Variants in TMEM129 observed in about 807,000 individuals in gnomAD.
TMEM129 encodes transmembrane protein 129, E3 ubiquitin ligase, also known as E3 ubiquitin-protein ligase TM129.
A neutral mutation model predicts 34.1 loss-of-function variants in TMEM129; 35 were observed. That is an observed-to-expected ratio of 1.03 (90% confidence interval 0.78 to 1.36). The LOEUF (loss-of-function observed/expected upper bound fraction) is 1.36, where lower values mean the gene tolerates loss of function less well. TMEM129 is among the 40% of genes most tolerant of loss of function. The probability of loss-of-function intolerance (pLI) is 0.00; values close to 1 mark genes in which losing one functional copy is unlikely to be tolerated. For synonymous variants in TMEM129, 239 were observed against 217.3 expected, an observed-to-expected ratio of 1.10 and a Z score of -0.88; for missense variants, 504 against 512.6, an observed-to-expected ratio of 0.98 and a Z score of 0.16.
intron 1 of TMEM129, among the ~76,000 whole-genome samples, chr4:1,719,758 G>A (rs1717183307): frequency 2.0e-5 from 3 of 152,104 alleles, no homozygotes; most frequent in South Asian, 4.1e-4. Flanking sequence ...CAGGGCCCCA[G>A]CCCCACTCAG....
rs114397142 is a variant in TMEM129 at position 1,720,760 on chromosome 4, G to A, written c.78C>T (p.Phe26=). 151 of 1,588,498 alleles carry A rather than the reference G, an allele frequency of 9.5e-5. No homozygotes were observed. In the African/African-American group the frequency reaches 1.7e-3, roughly 18 times the overall value. The change falls in exon 1 of 4, where the codon TTC becomes TTT. Residue 26 remains phenylalanine, a synonymous_variant. Coordinates refer to ENST00000382936, the MANE Select transcript of TMEM129 (RefSeq NM_001127266.2). This position sits in a 1 kb window ranked among gnomAD's most constrained non-coding sequence, Gnocchi z 4.4. ...AVCFVFTPNE[F]HAAGLTVQNL... is the part of the protein sequence containing the mutation. Reference sequence around the variant, plus strand: ...TCTGCACCGTGAGCCCCGCCGCGTGGAACTCGTTGGGCGTGAACACGAAGC... The same window carrying A: ...TCTGCACCGTGAGCCCCGCCGCGTGAAACTCGTTGGGCGTGAACACGAAGC...
In TMEM129 at chr4:1,718,577, G is replaced by A; in HGVS notation, c.255C>T (p.Ala85=). The A allele has an allele frequency of 6.8e-7, 1 of 1,467,144 alleles. No homozygotes were observed. The highest frequency in any genetic ancestry group is 2.5e-5 in the East Asian group (1 of 40,228). 90.9% of individuals were successfully genotyped at this position (1,467,144 alleles called of 1,614,324 possible). A position where few individuals can be genotyped will look rare whatever the true frequency, so the allele number is the denominator to read the frequency against. ...GCCAGGCCTCAGGGGCCTGGCTGAG[G>A]GCGTGGAGCCGCTTTTCTGAAGCCG... ...CLAASEKRLH[A]LSQAPEAWRL... Residue 85 remains alanine, a synonymous_variant, in exon 2 of 4, where the codon GCC becomes GCT. Transcript: ENST00000382936.
rs747203646 is a variant in TMEM129 at position 1,717,190 on chromosome 4, G to C, written c.1079C>G (p.Thr360Ser). 4.1e-6 allele frequency: 6 copies of C among 1,464,950 alleles called. 1 individual carries two copies. The Admixed American group carries it at 1.1e-4, about 27-fold the overall frequency. The allele number at this position is 1,464,950 out of a possible 1,614,324, so 90.7% of individuals were successfully genotyped here. A position where few individuals can be genotyped will look rare whatever the true frequency, so the allele number is the denominator to read the frequency against. The change falls in exon 4 of 4, where the codon ACC (threonine) becomes AGC (serine). Residue 360 changes from threonine (T) to serine (S), a missense_variant. Transcript: ENST00000382936. ...RARFCILDVCTVR is the reference protein window; with the variant it reads ...RARFCILDVCSVR Reference sequence around the variant, plus strand: ...AAGGCCCCAGCCCACTCAGCGCACGGTGCACACATCCAGGATGCAGAAGCG... The same window carrying C: ...AAGGCCCCAGCCCACTCAGCGCACGCTGCACACATCCAGGATGCAGAAGCG...
rs1323172962 is a variant in TMEM129, at chr4:1,716,465, C to T, written c.*715G>A. 6.6e-6 allele frequency: 1 copy of T among 152,408 alleles called. No homozygotes were observed. Among genetic ancestry groups the T allele is most frequent in the African/African-American group, 2.4e-5 (1 of 41,462 alleles). The allele number at this position is 152,408 out of a possible 1,614,324, so 9.4% of individuals were successfully genotyped here. A position where few individuals can be genotyped will look rare whatever the true frequency, so the allele number is the denominator to read the frequency against. On this transcript the variant is annotated 3_prime_UTR_variant, in exon 4 of 4. Coordinates refer to ENST00000382936, the MANE Select transcript of TMEM129 (RefSeq NM_001127266.2). The stretch of plus-strand genomic sequence containing the variant: ...GATGTCGCTATGGCACTTTGGTCCT[C>T]AACTCAAACCCCCACCCCTACCCAG...
chr4:1,717,432 C>T lies in TMEM129; in HGVS notation c.841-4G>A, dbSNP rs1012137266. 30 of 1,510,408 alleles carry T rather than the reference C, an allele frequency of 2.0e-5. No individual in the cohort carries two copies. The highest frequency in any genetic ancestry group is 1.6e-4 in the Admixed American group (8 of 49,328). The allele number at this position is 1,510,408 out of a possible 1,614,324, so 93.6% of individuals were successfully genotyped here. A position where few individuals can be genotyped will look rare whatever the true frequency, so the allele number is the denominator to read the frequency against. On this transcript the variant is annotated splice_polypyrimidine_tract_variant and splice_region_variant and intron_variant, in intron 3 of 3. Transcript: ENST00000382936. Reference sequence around the variant, plus strand: ...AGCCTATGCAGGCCTCCAGCTCCTGCGGGCAGGTGGAGCGTCACCAGGAGC... The same window carrying T: ...AGCCTATGCAGGCCTCCAGCTCCTGTGGGCAGGTGGAGCGTCACCAGGAGC...
In TMEM129 at chr4:1,720,718, C is replaced by A. The variant is rs762597430; in HGVS notation, c.120G>T (p.Trp40Cys). 10 of 1,561,282 alleles carry A rather than the reference C, an allele frequency of 6.4e-6. No individual in the cohort carries two copies. Among genetic ancestry groups the A allele is most frequent in the Non-Finnish European group, 7.8e-6 (9 of 1,154,294 alleles). Residue 40 changes from tryptophan to cysteine, a missense_variant, in exon 1 of 4, where the codon TGG becomes TGT. Coordinates refer to ENST00000382936, the MANE Select transcript of TMEM129 (RefSeq NM_001127266.2). This position sits in a 1 kb window ranked among gnomAD's most constrained non-coding sequence, Gnocchi z 4.4. ...GLTVQNLLSG[W>C]LGSEDAAFVP... ...CGAAGGCGGCGTCCTCGCTGCCCAG[C>A]CAGCCCGACAGCAGGTTCTGCACCG...
At position 1,721,079 on chromosome 4, in the gene TMEM129, G is replaced by C; in HGVS notation, c.-242C>G. On this transcript the variant is annotated 5_prime_UTR_variant, in exon 1 of 4. Coordinates refer to ENST00000382936, the MANE Select transcript of TMEM129 (RefSeq NM_001127266.2). ...GTCCCGCCGCCCGGCCGCCCGCGGGGCACTCTAGGGCATGGAGTCCCGCCG... is the reference window on the plus strand; with the variant it reads ...GTCCCGCCGCCCGGCCGCCCGCGGGCCACTCTAGGGCATGGAGTCCCGCCG... The C allele has an allele frequency of 3.5e-6, 1 of 284,874 alleles. No individual in the cohort carries two copies. Among genetic ancestry groups the C allele is most frequent in the Non-Finnish European group, 6.4e-6 (1 of 155,864 alleles). The allele number at this position is 284,874 out of a possible 1,614,324, so 17.6% of individuals were successfully genotyped here.
chr4:1,716,518 CT>C lies in TMEM129; in HGVS notation c.*661del, dbSNP rs1560272478. The stretch of plus-strand genomic sequence containing the variant: ...GTCTGAGACCTCGGCCTTCCCTGGA[CT>C]TGTTGGGCAGAAAAAGGCACCAAGG... On this transcript the variant is annotated 3_prime_UTR_variant, in exon 4 of 4. Coordinates refer to ENST00000382936, the MANE Select transcript of TMEM129 (RefSeq NM_001127266.2). The C allele has an allele frequency of 6.6e-6, 1 of 152,358 alleles. No individual in the cohort carries two copies. The highest frequency in any genetic ancestry group is 1.5e-5 in the Non-Finnish European group (1 of 68,162). The allele number at this position is 152,358 out of a possible 1,614,324, so 9.4% of individuals were successfully genotyped here.
chr4:1,719,726 T>C (rs1407543751), intron 1 of TMEM129, among the ~76,000 whole-genome samples: 3 of 152,266 alleles, frequency 2.0e-5, no homozygotes, highest in African/African-American at 7.2e-5. Flanking sequence ...ACCCACCCAG[T>C]AGCCCTAGAA....
At chr4:1,719,028 GAA>G in intron 1 of TMEM129, 1 of 1,292,912 alleles carries the variant, frequency 7.7e-7, no homozygotes, top group Non-Finnish European at 1.0e-6. Flanking sequence ...TCCCAGAGCT[GAA>G]AAGTTATGTG....
intron 1 of TMEM129, chr4:1,719,017 A>G: frequency 7.8e-7 from 1 of 1,282,836 alleles, no homozygotes; most frequent in Non-Finnish European, 1.0e-6. Context: ...AATGTGGTGC[A>G]TCCCAGAGCT....
At position 1,716,914 on chromosome 4, in the gene TMEM129, C is replaced by T; in HGVS notation, c.*266G>A. On this transcript the variant is annotated 3_prime_UTR_variant, in exon 4 of 4. Coordinates refer to ENST00000382936, the MANE Select transcript of TMEM129 (RefSeq NM_001127266.2). ...GCTGTGTCTGTGTGTGCAGGATCTG[C>T]CCCCACCAGCAGGAAAGGGGCAGGA... 2.5e-6 allele frequency: 1 copy of T among 397,968 alleles called. No homozygotes were observed. Among genetic ancestry groups the T allele is most frequent in the East Asian group, 3.7e-5 (1 of 27,122 alleles). The allele number at this position is 397,968 out of a possible 1,614,324, so 24.7% of individuals were successfully genotyped here.
chr4:1,720,717 G>C lies in TMEM129; in HGVS notation c.121C>G (p.Leu41Val). 6.4e-7 allele frequency: 1 copy of C among 1,560,944 alleles called. No homozygotes were observed. Among genetic ancestry groups the C allele is most frequent in the African/African-American group, 1.4e-5 (1 of 73,444 alleles). ...ACGAAGGCGGCGTCCTCGCTGCCCA[G>C]CCAGCCCGACAGCAGGTTCTGCACC... is the stretch of plus-strand genomic sequence containing the variant. ...LTVQNLLSGW[L>V]GSEDAAFVPF... The change falls in exon 1 of 4, where the codon CTG becomes GTG. Residue 41 changes from leucine to valine, a missense_variant. Physicochemically the swap from Leu to Val is conservative, Grantham distance 32 (BLOSUM62 1). Coordinates refer to ENST00000382936, the MANE Select transcript of TMEM129 (RefSeq NM_001127266.2). This position sits in a 1 kb window ranked among gnomAD's most constrained non-coding sequence, Gnocchi z 4.4.
rs1423342793 is a variant in TMEM129, at chr4:1,721,300, G to C, written c.-463C>G. 6.7e-6 allele frequency: 1 copy of C among 149,856 alleles called. No individual in the cohort carries two copies. The highest frequency in any genetic ancestry group is 1.5e-5 in the Non-Finnish European group (1 of 67,514). The allele number at this position is 149,856 out of a possible 1,614,324, so 9.3% of individuals were successfully genotyped here. A position where few individuals can be genotyped will look rare whatever the true frequency, so the allele number is the denominator to read the frequency against. On this transcript the variant is annotated 5_prime_UTR_variant, in exon 1 of 4. Transcript: ENST00000382936. Reference sequence around the variant, plus strand: ...AACTCGAAATTCATGGGGCGACTGCGAGCCCGGGGTCTCAGCTTCAGACAC... The same window carrying C: ...AACTCGAAATTCATGGGGCGACTGCCAGCCCGGGGTCTCAGCTTCAGACAC...
chr4:1,717,537 G>A lies in TMEM129; in HGVS notation c.819C>T (p.Ala273=). Residue 273 remains alanine, a synonymous_variant, in exon 3 of 4, where the codon GCC becomes GCT. Transcript: ENST00000382936. ...CCACCTGGCTGCTGGGCACTGAGTA[G>A]GCCGGGTTGACCTCTACCAGGGAGG... is the stretch of plus-strand genomic sequence containing the variant. ...TFASLVEVNP[A]YSVPSSQELE... is the part of the protein sequence containing the mutation. 1 of 1,541,042 alleles carries A rather than the reference G, an allele frequency of 6.5e-7. No homozygotes were observed. The highest frequency in any genetic ancestry group is 8.8e-7 in the Non-Finnish European group (1 of 1,141,058).
Position 1,718,856 on chromosome 4 carries a change from G to T in TMEM129, c.206-230C>A, listed in dbSNP as rs148682232. 1.1e-4 allele frequency: 155 copies of T among 1,396,336 alleles called. No homozygotes were observed. In the African/African-American group the frequency reaches 1.9e-3, roughly 17 times the overall value. The allele number at this position is 1,396,336 out of a possible 1,614,324, so 86.5% of individuals were successfully genotyped here. On this transcript the variant is annotated intron_variant, in intron 1 of 3. Transcript: ENST00000382936. ...TTGCTGCTTTAGTTTCACACAATACGTAAGTGTTGAAAAAACTACAAAAGC... is the reference window on the plus strand; with the variant it reads ...TTGCTGCTTTAGTTTCACACAATACTTAAGTGTTGAAAAAACTACAAAAGC...
rs979597507 is a variant in TMEM129 at position 1,721,078 on chromosome 4, G to A, written c.-241C>T. The A allele has an allele frequency of 7.0e-6, 2 of 284,738 alleles. No individual in the cohort carries two copies. The highest frequency in any genetic ancestry group is 6.4e-6 in the Non-Finnish European group (1 of 155,748). 17.6% of individuals were successfully genotyped at this position (284,738 alleles called of 1,614,324 possible). On this transcript the variant is annotated 5_prime_UTR_variant, in exon 1 of 4. Transcript: ENST00000382936. The stretch of plus-strand genomic sequence containing the variant: ...AGTCCCGCCGCCCGGCCGCCCGCGG[G>A]GCACTCTAGGGCATGGAGTCCCGCC...
rs373177984 is a variant in TMEM129 at position 1,718,502 on chromosome 4, C to A, written c.330G>T (p.Leu110=). ...AVTLPSIACI[L]IYYWSRDRWA... Reference sequence around the variant, plus strand: ...ACCGGTCACGGGACCAGTAGTAGATCAGGATGCAGGCGATGGAGGGGAGGG... The same window carrying A: ...ACCGGTCACGGGACCAGTAGTAGATAAGGATGCAGGCGATGGAGGGGAGGG... The change falls in exon 2 of 4, where the codon CTG becomes CTT. Residue 110 remains leucine (L), a synonymous_variant. Transcript: ENST00000382936. 4 of 1,538,864 alleles carry A rather than the reference C, an allele frequency of 2.6e-6. No individual in the cohort carries two copies. In the African/African-American group the frequency reaches 5.5e-5, roughly 21 times the overall value.
rs1717307678 is a variant in TMEM129, at chr4:1,721,046, G to T, written c.-209C>A. 3.3e-6 allele frequency: 1 copy of T among 306,962 alleles called. No homozygotes were observed. 19.0% of individuals were successfully genotyped at this position (306,962 alleles called of 1,614,324 possible). Reference sequence around the variant, plus strand: ...CCCGGCCGCCCGCGGGGCACTCTAGGACATGGAGTCCCGCCGCCCGGCCGC... The same window carrying T: ...CCCGGCCGCCCGCGGGGCACTCTAGTACATGGAGTCCCGCCGCCCGGCCGC... On this transcript the variant is annotated 5_prime_UTR_variant, in exon 1 of 4. Transcript: ENST00000382936.
Sources: allele counts gnomAD v4.1 joint callset (sites outside exome capture counted in the v4.1 genomes callset), GRCh38; gene constraint gnomAD v4.1.1; non-coding constraint Gnocchi (gnomAD v3.1); transcripts MANE v1.5; gene names NCBI Gene and HGNC (gene_info 2026-07-23, HGNC 2026-07-21).